Variants in DLGAP1 observed in about 807,000 individuals in gnomAD.
DLGAP1 encodes disks large-associated protein 1.
A neutral mutation model predicts 90.8 loss-of-function variants in DLGAP1; 11 were observed. The ratio of observed to expected loss-of-function variants is 0.12; its 90% CI spans 0.08 to 0.20. DLGAP1 has a LOEUF of 0.20. DLGAP1 is among the 10% of genes least tolerant of loss of function. The pLI, the probability that DLGAP1 is intolerant of heterozygous loss-of-function variation, is 1.00. For missense variants in DLGAP1, 1,050 were observed against 1,333.8 expected, an observed-to-expected ratio of 0.79 and a Z score of 3.31; for synonymous variants, 558 against 540.7, an observed-to-expected ratio of 1.03 and a Z score of -0.44.
intron 3 of DLGAP1, among the ~76,000 whole-genome samples, chr18:3,987,571 A>G (rs2073868359): frequency 6.6e-6 from 1 of 151,902 alleles, no homozygotes; most frequent in Non-Finnish European, 1.5e-5. Context: ...CTATGCCTAT[A>G]TTATAATTAT....
At chr18:3,735,632 T>G (rs904822788) in intron 6 of DLGAP1, among the ~76,000 whole-genome samples, 1 of 152,202 alleles carries the variant, frequency 6.6e-6, no homozygotes, top group Non-Finnish European at 1.5e-5. Context: ...AATATGTTAG[T>G]CCAACTCTCT....
At chr18:4,413,992 G>A (rs533126467) in intron 1 of DLGAP1, among the ~76,000 whole-genome samples, 20 of 152,214 alleles carry the variant, frequency 1.3e-4, no homozygotes, top group Admixed American at 2.6e-4. Context: ...ATGAATGACC[G>A]TCCCTCATCC....
At chr18:4,030,316 A>G (rs2074775005) in intron 2 of DLGAP1, among the ~76,000 whole-genome samples, 1 of 152,252 alleles carries the variant, frequency 6.6e-6, no homozygotes, top group Non-Finnish European at 1.5e-5. Context: ...GGCAAATAAT[A>G]GGTGCTCAAT....
intron 7 of DLGAP1, among the ~76,000 whole-genome samples, chr18:3,719,289 A>G (rs534459350): frequency 3.3e-5 from 5 of 152,124 alleles, no homozygotes; most frequent in African/African-American, 7.2e-5. Flanking sequence ...CTATTTGGCC[A>G]GGTGCGGTGG....
intron 7 of DLGAP1, among the ~76,000 whole-genome samples, chr18:3,726,011 A>G (rs915898157): frequency 6.6e-6 from 1 of 152,238 alleles, no homozygotes; most frequent in Non-Finnish European, 1.5e-5. Context: ...AAATGGGCTG[A>G]CCCGAATGTC....
At chr18:3,754,795 C>T (rs1018873155) in intron 5 of DLGAP1, among the ~76,000 whole-genome samples, 1 of 150,572 alleles carries the variant, frequency 6.6e-6, no homozygotes, top group African/African-American at 2.4e-5. Context: ...ACTTGGGAGG[C>T]TGAGGCAGGA....
chr18:4,213,670 A>C (rs2077892508), intron 1 of DLGAP1, among the ~76,000 whole-genome samples: 1 of 152,186 alleles, frequency 6.6e-6, no homozygotes, highest in African/African-American at 2.4e-5. Context: ...GAGGCTATAG[A>C]GATATATGCA....
At chr18:3,656,371 G>A (rs995040515) in intron 7 of DLGAP1, 3 of 448,026 alleles carry the variant, frequency 6.7e-6, no homozygotes, top group Non-Finnish European at 4.0e-6. Context: ...TTTTTGGATG[G>A]GACAAAGGCC....
intron 7 of DLGAP1, among the ~76,000 whole-genome samples, chr18:3,656,842 G>A (rs1241778949): frequency 6.6e-6 from 1 of 152,032 alleles, no homozygotes. Flanking sequence ...TGCCTCCTGG[G>A]TGGACGCCAT....
intron 1 of DLGAP1, among the ~76,000 whole-genome samples, chr18:4,195,559 T>A (rs1011783465): frequency 2.0e-5 from 3 of 149,568 alleles, no homozygotes; most frequent in African/African-American, 5.0e-5. Context: ...TATCTATTTA[T>A]TTTTTTTTTG....
chr18:3,749,148 C>CTTTTTTTTTTTTTT (rs776707431), intron 5 of DLGAP1, among the ~76,000 whole-genome samples: 1 of 120,696 alleles, frequency 8.3e-6, no homozygotes, highest in African/African-American at 3.2e-5. Context: ...TCTTCTTCTT[C>CTTTTTTTTTTTTTT]TTTTTTTTTT....
intron 11 of DLGAP1, among the ~76,000 whole-genome samples, chr18:3,507,640 G>T (rs894547622): frequency 4.0e-5 from 6 of 151,204 alleles, no homozygotes; most frequent in African/African-American, 1.5e-4. Flanking sequence ...GCTAATAATT[G>T]TCTTCACTTG....
intron 1 of DLGAP1, among the ~76,000 whole-genome samples, chr18:4,186,877 T>C (rs1009025467): frequency 6.6e-6 from 1 of 152,176 alleles, no homozygotes; most frequent in Non-Finnish European, 1.5e-5. Flanking sequence ...TTTAATGATA[T>C]TGATTCTTCC....
intron 3 of DLGAP1, among the ~76,000 whole-genome samples, chr18:3,933,644 C>T (rs1371486790): frequency 6.6e-6 from 1 of 152,220 alleles, no homozygotes; most frequent in Admixed American, 6.5e-5. Context: ...GCCTAGCCCT[C>T]CTGGTGGTTG....
intron 5 of DLGAP1, among the ~76,000 whole-genome samples, chr18:3,744,962 G>C (rs1221030955): frequency 6.6e-6 from 1 of 152,162 alleles, no homozygotes; most frequent in Non-Finnish European, 1.5e-5. Flanking sequence ...CTAACTCTGA[G>C]TAGATGAAAT....
intron 8 of DLGAP1, among the ~76,000 whole-genome samples, chr18:3,573,314 CAACATGGTGA>C (rs1469888700): frequency 6.6e-6 from 1 of 152,076 alleles, no homozygotes; most frequent in Non-Finnish European, 1.5e-5. Flanking sequence ...CCAGCCTGGC[CAACATGGTGA>C]AACCCCGTCT....
chr18:4,211,244 T>C (rs2077834518), intron 1 of DLGAP1, among the ~76,000 whole-genome samples: 1 of 152,068 alleles, frequency 6.6e-6, no homozygotes, highest in South Asian at 2.1e-4. Context: ...GGGTTTTATG[T>C]TGAGGGTTGA....
rs1555773192 is a variant in DLGAP1, at chr18:4,257,973, A to ATGTGTATG, written c.-266-106687_-266-106686insCATACACA. Among the ~76,000 whole-genome samples, 282 of 141,354 alleles carry ATGTGTATG rather than the reference A, an allele frequency of 2.0e-3. 1 individual carries two copies. Among genetic ancestry groups the ATGTGTATG allele is most frequent in the African/African-American group, 7.6e-3 (271 of 35,740 alleles). The allele number at this position is 141,354 out of a possible 152,430, so 92.7% of individuals were successfully genotyped here. A position where few individuals can be genotyped will look rare whatever the true frequency, so the allele number is the denominator to read the frequency against. Reference sequence around the variant, plus strand: ...ATGGATTACAACAAGAGTTATACATATGTGTGTGTGTGTGTGTGTGTGTGT... The same window carrying ATGTGTATG: ...ATGGATTACAACAAGAGTTATACATATGTGTATGTGTGTGTGTGTGTGTGTGTGTGTGT... On this transcript the variant is annotated intron_variant, in intron 1 of 12. Transcript: ENST00000315677.
intron 1 of DLGAP1, among the ~76,000 whole-genome samples, chr18:4,288,021 C>G (rs1198341702): frequency 6.6e-6 from 1 of 151,524 alleles, no homozygotes; most frequent in East Asian, 1.9e-4. Flanking sequence ...AAGGCAAAGA[C>G]AGAAACTGAG....
Sources: gnomAD v4.1 joint callset for allele counts (sites outside exome capture counted in the v4.1 genomes callset) on GRCh38, gnomAD v4.1.1 for gene constraint, MANE v1.5 for transcripts, NCBI Gene and HGNC (gene_info 2026-07-23, HGNC 2026-07-21) for gene names.